SLC6A9: variants seen among roughly 807,000 people sequenced by gnomAD.
SLC6A9 encodes the protein sodium- and chloride-dependent glycine transporter 1.
SLC6A9 carries 31 observed loss-of-function variants against 70.9 expected under a neutral mutation model. That is an observed-to-expected ratio of 0.44 (90% CI 0.33 to 0.59). The LOEUF is 0.59. Among genes scored for constraint, SLC6A9 ranks in the 20% least tolerant of loss-of-function variants. The pLI is 0.04. For missense variants in SLC6A9, 631 were observed against 845.2 expected, an observed-to-expected ratio of 0.75 and a Z score of 3.14; for synonymous variants, 310 against 341.3, an observed-to-expected ratio of 0.91 and a Z score of 1.01.
chr1:44,006,606 A>AG (rs2086325360), intron 5 of SLC6A9, among the ~76,000 whole-genome samples: 1 of 151,648 alleles, frequency 6.6e-6, no homozygotes, highest in Non-Finnish European at 1.5e-5. Context: ...AAAAAAAAAA[A>AG]AAAAGAAATC....
rs367726855 is a variant in SLC6A9 at position 44,030,122 on chromosome 1, C to G, written c.-86+1184G>C. On this transcript the variant is annotated intron_variant, in intron 1 of 13. Transcript: ENST00000372310. ...GCGGCTCCTTTAAGTATCCGCCGGC[C>G]CGAGGCGCGGAGGCCTCCGGCCGGC... Among the ~76,000 whole-genome samples, 113 of 152,164 alleles carry G rather than the reference C, an allele frequency of 7.4e-4. No homozygotes were observed. In the East Asian group the frequency reaches 0.014, roughly 18 times the overall value.
chr1:44,027,948 C>A (rs964954962), intron 1 of SLC6A9, among the ~76,000 whole-genome samples: 1 of 152,104 alleles, frequency 6.6e-6, no homozygotes, highest in Non-Finnish European at 1.5e-5. Flanking sequence ...GCACCCCAGC[C>A]TGGGCAAAAA....
chr1:44,031,249 C>G (rs1271338809), intron 1 of SLC6A9, 57 bp downstream of exon 1: 1 of 152,694 alleles, frequency 6.5e-6, no homozygotes, highest in Non-Finnish European at 1.5e-5. Flanking sequence ...ACACTCAGAC[C>G]GACGGCAGGA....
Position 44,004,145 on chromosome 1 carries a change from C to A in SLC6A9, c.591-1160G>T, listed in dbSNP as rs368816292. On this transcript the variant is annotated intron_variant, in intron 5 of 13. Transcript: ENST00000372310. ...GAGTAGCTGGGATTACAGGTATGCA[C>A]CAATACGCTGGGCTAATTTTTGTAT... Among the ~76,000 whole-genome samples, 57 of 152,058 alleles carry A rather than the reference C, an allele frequency of 3.7e-4. 1 individual carries two copies. Among genetic ancestry groups the A allele is most frequent in the African/African-American group, 1.2e-3 (51 of 41,438 alleles).
At chr1:44,010,175 G>A in intron 3 of SLC6A9, 79 bp from the exon 4 acceptor site, 2 of 1,540,770 alleles carry the variant, frequency 1.3e-6, no homozygotes, top group Non-Finnish European at 1.8e-6. Context: ...GAACTCAACA[G>A]CAAAACCTTC....
chr1:44,006,586 C>CAAAAAAA (rs34759206), intron 5 of SLC6A9, among the ~76,000 whole-genome samples: 6 of 67,592 alleles, frequency 8.9e-5, no homozygotes, highest in African/African-American at 2.0e-4. Context: ...GATTCTGTCT[C>CAAAAAAA]AAAAAAAAAA....
intron 3 of SLC6A9, chr1:44,010,474 A>C: frequency 3.5e-5 from 3 of 85,808 alleles, no homozygotes; most frequent in Non-Finnish European, 3.2e-5. Flanking sequence ...GGGGGGGGTT[A>C]GGTCCTTTTC....
chr1:44,010,818 T>G lies in SLC6A9; in HGVS notation c.95A>C (p.Asn32Thr). 1 of 1,614,174 alleles carries G rather than the reference T, an allele frequency of 6.2e-7. No homozygotes were observed. Among genetic ancestry groups the G allele is most frequent in the South Asian group, 1.1e-5 (1 of 91,082 alleles). ...DQNLKRGNWG[N>T]QIEFVLTSVG... ...GCTCGTCAGTACAAACTCGATCTGG[T>G]TGCCCCAGTTGCCCCGTTTGAGGTT... Residue 32 changes from asparagine to threonine, a missense_variant, in exon 3 of 14, where the codon AAC (asparagine) becomes ACC (threonine). Coordinates refer to ENST00000372310, the MANE Select transcript of SLC6A9 (RefSeq NM_001024845.3).
chr1:44,000,466 G>A (rs897434328), intron 12 of SLC6A9, among the ~76,000 whole-genome samples: 1 of 152,354 alleles, frequency 6.6e-6, no homozygotes, highest in East Asian at 1.9e-4. Context: ...AGGCTGACAC[G>A]CTATCGATAT....
chr1:44,030,879 G>A (rs1445125732), intron 1 of SLC6A9, among the ~76,000 whole-genome samples: 1 of 152,126 alleles, frequency 6.6e-6, no homozygotes, highest in East Asian at 1.9e-4. Flanking sequence ...GACCCCTGCA[G>A]GCCCCCAGAG....
chr1:44,001,578 C>G lies in SLC6A9; in HGVS notation c.1012G>C (p.Gly338Arg). ...ITNCATSVYA[G>R]FVIFSILGFM... ...CCGAGGATGGAGAAGATGACGAAGCCAGCATAGACGCTGGTGGCACAGTTG... is the reference window on the plus strand; with the variant it reads ...CCGAGGATGGAGAAGATGACGAAGCGAGCATAGACGCTGGTGGCACAGTTG... The change falls in exon 9 of 14, where the codon GGC (glycine) becomes CGC (arginine). Residue 338 changes from glycine (G) to arginine (R), a missense_variant. Transcript: ENST00000372310. The G allele has an allele frequency of 6.2e-7, 1 of 1,614,238 alleles. No individual in the cohort carries two copies. The highest frequency in any genetic ancestry group is 8.5e-7 in the Non-Finnish European group (1 of 1,180,042).
intron 2 of SLC6A9, chr1:44,011,532 T>C (rs202047043): frequency 5.6e-6 from 9 of 1,605,178 alleles, no homozygotes; most frequent in Non-Finnish European, 7.7e-6. Flanking sequence ...ACACTGCCCA[T>C]GGCTGGGGAG....
rs919227003 is a variant in SLC6A9, at chr1:44,011,805, C to CT, written c.31-924dup. 1.2e-4 allele frequency: 167 copies of CT among 1,401,166 alleles called. No individual in the cohort carries two copies. The Middle Eastern group carries it at 1.4e-3, about 12-fold the overall frequency. 86.8% of individuals were successfully genotyped at this position (1,401,166 alleles called of 1,614,324 possible). Reference sequence around the variant, plus strand: ...AGAATGTGGGGCCTGCAGGACTGAGCTGGTGGCCTGGGCCCCACTGAGGAC... The same window carrying CT: ...AGAATGTGGGGCCTGCAGGACTGAGCTTGGTGGCCTGGGCCCCACTGAGGAC... On this transcript the variant is annotated intron_variant, in intron 2 of 13. Transcript: ENST00000372310.
rs1398675521 is a variant in SLC6A9 at position 43,998,045 on chromosome 1, G to A, written c.1537-20C>T. 5 of 1,593,432 alleles carry A rather than the reference G, an allele frequency of 3.1e-6. No individual in the cohort carries two copies. Among genetic ancestry groups the A allele is most frequent in the Non-Finnish European group, 4.3e-6 (5 of 1,166,364 alleles). ...AATAAACTGCACGGGGCAGGTGTGG[G>A]AGTGGGCGTGAGGCCGACCCAGAGC... is the stretch of plus-strand genomic sequence containing the variant. On this transcript the variant is annotated intron_variant, in intron 12 of 13. Coordinates refer to ENST00000372310, the MANE Select transcript of SLC6A9 (RefSeq NM_001024845.3).
At position 44,020,124 on chromosome 1, in the gene SLC6A9, C is replaced by T. The variant is rs540812160; in HGVS notation, c.30+4124G>A. Among the ~76,000 whole-genome samples the T allele has an allele frequency of 5.3e-5, 8 of 152,358 alleles. 1 individual carries two copies. The South Asian group carries it at 1.7e-3, about 32-fold the overall frequency. On this transcript the variant is annotated intron_variant, in intron 2 of 13. Coordinates refer to ENST00000372310, the MANE Select transcript of SLC6A9 (RefSeq NM_001024845.3). Reference sequence around the variant, plus strand: ...TGTCCTGGCTAGAAGAGCACCTCCACTGTACTAGGCCTTATCTAAGGAGAA... The same window carrying T: ...TGTCCTGGCTAGAAGAGCACCTCCATTGTACTAGGCCTTATCTAAGGAGAA...
chr1:44,028,012 A>T (rs1271331160), intron 1 of SLC6A9, among the ~76,000 whole-genome samples: 1 of 152,222 alleles, frequency 6.6e-6, no homozygotes, highest in Non-Finnish European at 1.5e-5. Context: ...TACTGAGATA[A>T]AGGGTGTAAA....
intron 1 of SLC6A9, among the ~76,000 whole-genome samples, chr1:44,029,527 C>T (rs1323407742): frequency 6.6e-6 from 1 of 152,204 alleles, no homozygotes; most frequent in African/African-American, 2.4e-5. Flanking sequence ...ATGTATCCTA[C>T]CCATCCTCAA....
rs61601279 is a variant in SLC6A9 at position 44,010,456 on chromosome 1, C to CGGGGGGGGGG, written c.187+260_187+269dup. 43 of 54,804 alleles carry CGGGGGGGGGG rather than the reference C, an allele frequency of 7.8e-4. 1 individual carries two copies. Among genetic ancestry groups the CGGGGGGGGGG allele is most frequent in the Middle Eastern group, 5.2e-3 (1 of 194 alleles). The allele number at this position is 54,804 out of a possible 1,614,324, so 3.4% of individuals were successfully genotyped here. A position where few individuals can be genotyped will look rare whatever the true frequency, so the allele number is the denominator to read the frequency against. ...GGAATAGAACAGGGAGCCTTGTGGGCGGGGGGGGGGGGGGGTTAGGTCCTT... is the reference window on the plus strand; with the variant it reads ...GGAATAGAACAGGGAGCCTTGTGGGCGGGGGGGGGGGGGGGGGGGGGGGGGTTAGGTCCTT... On this transcript the variant is annotated intron_variant, in intron 3 of 13. Coordinates refer to ENST00000372310, the MANE Select transcript of SLC6A9 (RefSeq NM_001024845.3).
Position 44,018,099 on chromosome 1 carries a change from C to T in SLC6A9, c.30+6149G>A, listed in dbSNP as rs1338367660. On this transcript the variant is annotated intron_variant, in intron 2 of 13. Coordinates refer to ENST00000372310, the MANE Select transcript of SLC6A9 (RefSeq NM_001024845.3). This position sits in a 1 kb window ranked among gnomAD's most constrained non-coding sequence, Gnocchi z 4.2. The stretch of plus-strand genomic sequence containing the variant: ...GCTCGGAAGGTGGGCATATGCATTC[C>T]GGTGCCAGGAATGTGTCAGGCCCTT... 2.0e-5 allele frequency among the ~76,000 whole-genome samples: 3 copies of T among 152,286 alleles called. No individual in the cohort carries two copies. Among genetic ancestry groups the T allele is most frequent in the South Asian group, 2.1e-4 (1 of 4,824 alleles).
Sources: gnomAD v4.1 joint callset for allele counts (sites outside exome capture counted in the v4.1 genomes callset) on GRCh38, gnomAD v4.1.1 for gene constraint, Gnocchi (gnomAD v3.1) non-coding constraint, MANE v1.5 for transcripts, NCBI Gene and HGNC (gene_info 2026-07-23, HGNC 2026-07-21) for gene names.